METTL2B: variants seen among roughly 807,000 people sequenced by gnomAD.
METTL2B encodes tRNA N(3)-cytidine methyltransferase METTL2B.
A neutral mutation model predicts 51.0 loss-of-function variants in METTL2B; 28 were observed. The observed-to-expected ratio is 0.55, with a 90% confidence interval of 0.41 to 0.75. METTL2B has a LOEUF of 0.75. METTL2B is among the 30% of genes least tolerant of loss of function. The pLI is 0.00. For missense variants in METTL2B, 313 were observed against 460.7 expected (o/e 0.68, Z 2.93); for synonymous variants, 128 against 166.3 (o/e 0.77, Z 1.77).
intron 2 of METTL2B, among the ~76,000 whole-genome samples, chr7:128,478,856 T>C (rs1799837928): frequency 6.6e-6 from 1 of 151,966 alleles, no homozygotes; most frequent in African/African-American, 2.4e-5. Context: ...AGAGCGAGAC[T>C]CTGTCTCAAA....
In METTL2B at chr7:128,489,635, T is replaced by TC. The variant is rs1442868963; in HGVS notation, c.669+1474_669+1475insC. 5.6e-5 allele frequency among the ~76,000 whole-genome samples: 8 copies of TC among 141,682 alleles called. No individual in the cohort carries two copies. The Admixed American group carries it at 5.7e-4, about 10-fold the overall frequency. 92.9% of individuals were successfully genotyped at this position (141,682 alleles called of 152,430 possible). ...CTGGGGTGACTGGCAATTTCTTTTT[T>TC]TTTTTTTTTTTGAGACGGAGTCTCG... On this transcript the variant is annotated intron_variant, in intron 5 of 8. Coordinates refer to ENST00000262432, the MANE Select transcript of METTL2B (RefSeq NM_018396.3).
At chr7:128,476,900 G>T (rs763247882) in intron 1 of METTL2B, 25 bp downstream of exon 1, 1 of 1,612,668 alleles carries the variant, frequency 6.2e-7, no homozygotes, top group African/African-American at 1.3e-5. Flanking sequence ...CCCTCGCCCG[G>T]CCTGTCGCTG....
intron 6 of METTL2B, among the ~76,000 whole-genome samples, chr7:128,496,701 A>C (rs1473713920): frequency 6.6e-6 from 1 of 152,214 alleles, no homozygotes; most frequent in African/African-American, 2.4e-5. Context: ...CAGGAGGATC[A>C]CTTGAGCCCA....
intron 3 of METTL2B, among the ~76,000 whole-genome samples, chr7:128,479,829 G>T (rs1799850711): frequency 6.6e-6 from 1 of 152,196 alleles, no homozygotes; most frequent in African/African-American, 2.4e-5. Context: ...ACATGATCAT[G>T]CTATAACTCT....
chr7:128,493,725 A>G (rs775921026), intron 5 of METTL2B, 79 bp from the exon 6 acceptor site: 8 of 1,517,316 alleles, frequency 5.3e-6, no homozygotes, highest in Admixed American at 2.2e-5. Flanking sequence ...AGTTACATTT[A>G]AAATTTAAAA....
intron 7 of METTL2B, among the ~76,000 whole-genome samples, chr7:128,499,870 G>A (rs542982085): frequency 6.6e-6 from 1 of 151,918 alleles, no homozygotes. Context: ...GTCTTTTTTT[G>A]AATATAGTCA....
chr7:128,494,956 C>T (rs1584795991), intron 6 of METTL2B, among the ~76,000 whole-genome samples: 1 of 149,928 alleles, frequency 6.7e-6, no homozygotes, highest in Admixed American at 6.7e-5. Flanking sequence ...GCTCTGTTGC[C>T]CCGGCTGGGG....
intron 4 of METTL2B, among the ~76,000 whole-genome samples, chr7:128,486,013 G>T (rs913985479): frequency 6.6e-6 from 1 of 152,140 alleles, no homozygotes; most frequent in Admixed American, 6.6e-5. Context: ...AAAAGCACAG[G>T]CCGGGCGTGG....
intron 7 of METTL2B, among the ~76,000 whole-genome samples, chr7:128,500,690 T>A (rs2116869554): frequency 6.6e-6 from 1 of 152,248 alleles, no homozygotes; most frequent in Middle Eastern, 3.4e-3. Context: ...ACAAGTTGTT[T>A]TCATCAAATA....
intron 7 of METTL2B, 139 bp from the exon 8 acceptor site, chr7:128,500,764 C>T (rs530003429): frequency 2.4e-5 from 21 of 861,140 alleles, no homozygotes; most frequent in East Asian, 2.2e-4. Context: ...GACTTACTCC[C>T]GTTGAGCTGC....
In METTL2B at chr7:128,476,782, C is replaced by T. The variant is rs144880655; in HGVS notation, c.17C>T (p.Pro6Leu). 6 of 1,614,122 alleles carry T rather than the reference C, an allele frequency of 3.7e-6. No homozygotes were observed. Among genetic ancestry groups the T allele is most frequent in the South Asian group, 1.1e-5 (1 of 91,066 alleles). ...TCCGGTGTCATGGCCGGCTCCTACCCTGAAGGTGCACCTGCAATCCTCGCC... is the reference window on the plus strand; with the variant it reads ...TCCGGTGTCATGGCCGGCTCCTACCTTGAAGGTGCACCTGCAATCCTCGCC... MAGSY[P>L]EGAPAILADK... The change falls in exon 1 of 9, where the codon CCT becomes CTT. Residue 6 changes from proline to leucine, a missense_variant. Physicochemically the swap from Pro to Leu is moderately conservative, Grantham distance 98 (BLOSUM62 -3). Coordinates refer to ENST00000262432, the MANE Select transcript of METTL2B (RefSeq NM_018396.3).
At chr7:128,495,201 G>A (rs1158822262) in intron 6 of METTL2B, among the ~76,000 whole-genome samples, 3 of 151,938 alleles carry the variant, frequency 2.0e-5, no homozygotes, top group African/African-American at 4.8e-5. Context: ...GATTACAGGC[G>A]TGAGCCACCA....
intron 4 of METTL2B, among the ~76,000 whole-genome samples, chr7:128,481,452 C>T (rs1181743642): frequency 2.0e-5 from 3 of 152,222 alleles, no homozygotes; most frequent in African/African-American, 2.4e-5. Context: ...CCTAGAATGG[C>T]TCACAGAACT....
chr7:128,497,688 G>T (rs949751557), intron 6 of METTL2B, among the ~76,000 whole-genome samples: 15 of 152,072 alleles, frequency 9.9e-5, no homozygotes, highest in African/African-American at 3.6e-4. Flanking sequence ...TCACCGTTTT[G>T]GCCAGACTGG....
intron 5 of METTL2B, among the ~76,000 whole-genome samples, chr7:128,490,325 C>CTTTTTT (rs56261578): frequency 3.0e-5 from 4 of 131,852 alleles, no homozygotes; most frequent in South Asian, 2.4e-4. Context: ...TCAGGCTTCA[C>CTTTTTT]TTTTTTTTTT....
chr7:128,498,755 T>A lies in METTL2B; in HGVS notation c.916+613T>A, dbSNP rs1011384851. Among the ~76,000 whole-genome samples, 102 of 152,076 alleles carry A rather than the reference T, an allele frequency of 6.7e-4. 3 individuals carry two copies. Among genetic ancestry groups the A allele is most frequent in the Non-Finnish European group, 1.3e-4 (9 of 68,022 alleles). On this transcript the variant is annotated intron_variant, in intron 7 of 8. Transcript: ENST00000262432. The stretch of plus-strand genomic sequence containing the variant: ...GGCTCATGCCTGTAATTCCAACACT[T>A]TGGGAGGCCGAGTCGGGCAGATCAC...
intron 5 of METTL2B, chr7:128,488,736 C>T (rs1792766355): frequency 1.3e-5 from 4 of 298,512 alleles, no homozygotes; most frequent in South Asian, 6.3e-5. Context: ...ACCACGTTGC[C>T]CAGGCTGGTC....
rs1207022886 is a variant in METTL2B, at chr7:128,485,647, CAG to C, written c.609-2451_609-2450del. 1.0e-4 allele frequency among the ~76,000 whole-genome samples: 14 copies of C among 134,576 alleles called. 1 individual carries two copies. The South Asian group carries it at 3.4e-3, about 33-fold the overall frequency. 88.3% of individuals were successfully genotyped at this position (134,576 alleles called of 152,430 possible). A position where few individuals can be genotyped will look rare whatever the true frequency, so the allele number is the denominator to read the frequency against. ...CACCACTGCACTCCAGCCTGGGCGA[CAG>C]AGTGAGACTCCGTCTCAAAAAAAAA... On this transcript the variant is annotated intron_variant, in intron 4 of 8. Coordinates refer to ENST00000262432, the MANE Select transcript of METTL2B (RefSeq NM_018396.3).
intron 6 of METTL2B, among the ~76,000 whole-genome samples, chr7:128,495,361 TAAAGG>T (rs1792906855): frequency 6.6e-6 from 1 of 152,248 alleles, no homozygotes; most frequent in African/African-American, 2.4e-5. Context: ...AGATTCTGAT[TAAAGG>T]AAAGTCAAAT....
Sources: allele counts gnomAD v4.1 joint callset (sites outside exome capture counted in the v4.1 genomes callset), GRCh38; gene constraint gnomAD v4.1.1; transcripts MANE v1.5; gene names NCBI Gene and HGNC (gene_info 2026-07-23, HGNC 2026-07-21).